ERI1: variants seen among roughly 807,000 people sequenced by gnomAD.
ERI1 encodes 3'-5' exoribonuclease 1.
A neutral mutation model predicts 39.7 loss-of-function variants in ERI1; 39 were observed. The ratio of observed to expected loss-of-function variants is 0.98; its 90% CI spans 0.76 to 1.28. The LOEUF is 1.28. Ranked by LOEUF, ERI1 falls within the 50% of genes most tolerant of loss-of-function variation. The probability of loss-of-function intolerance (pLI) is 0.00; values close to 1 mark genes in which losing one functional copy is unlikely to be tolerated. For missense variants in ERI1, 581 were observed against 416.9 expected, an observed-to-expected ratio of 1.39 and a Z score of -3.43; for synonymous variants, 204 against 149.6, an observed-to-expected ratio of 1.36 and a Z score of -2.65.
chr8:9,091,912 G>A (rs1472544214), intron 3 of ERI1, among the ~76,000 whole-genome samples: 7 of 152,232 alleles, frequency 4.6e-5, no homozygotes, highest in African/African-American at 1.7e-4. Context: ...ATTTGTGGAT[G>A]TTGGAAAGAG....
intron 2 of ERI1, among the ~76,000 whole-genome samples, chr8:9,010,582 TAGTC>T (rs757261638): frequency 2.0e-5 from 3 of 152,030 alleles, no homozygotes; most frequent in Admixed American, 6.5e-5. Context: ...TTTTTTTAAA[TAGTC>T]ATTAATCAGT....
At chr8:9,003,912 C>T (rs915313438) in intron 1 of ERI1, among the ~76,000 whole-genome samples, 7 of 152,196 alleles carry the variant, frequency 4.6e-5, no homozygotes, top group Admixed American at 1.3e-4. Context: ...TTGCTCCTTC[C>T]GTCCACAGTC....
At chr8:9,076,800 G>A (rs980042592) in intron 3 of ERI1, among the ~76,000 whole-genome samples, 10 of 152,226 alleles carry the variant, frequency 6.6e-5, no homozygotes, top group East Asian at 5.8e-4. Context: ...AGGGGGAAGC[G>A]GGGATGTGTG....
intron 3 of ERI1, among the ~76,000 whole-genome samples, chr8:9,015,739 A>AAAAAAAAAAG (rs10704637): frequency 3.0e-4 from 45 of 150,360 alleles, no homozygotes; most frequent in African/African-American, 1.1e-3. Flanking sequence ...AAAAAAAAAA[A>AAAAAAAAAAG]AAGAGACCAT....
At chr8:9,009,625 C>T (rs1022589902) in intron 2 of ERI1, among the ~76,000 whole-genome samples, 5 of 150,982 alleles carry the variant, frequency 3.3e-5, no homozygotes, top group Non-Finnish European at 7.4e-5. Context: ...CTGCAACCTC[C>T]GACTCCTGGA....
intron 3 of ERI1, among the ~76,000 whole-genome samples, chr8:9,066,809 C>G (rs916608765): frequency 6.6e-6 from 1 of 152,048 alleles, no homozygotes; most frequent in Non-Finnish European, 1.5e-5. Flanking sequence ...GCTGGTTTGT[C>G]TCTGTGGTGG....
In ERI1 at chr8:9,031,878, C is replaced by T. The variant is rs527739093; in HGVS notation, c.*1844C>T. On this transcript the variant is annotated 3_prime_UTR_variant, in exon 7 of 7. Transcript: ENST00000250263. ...GCTCAGGTGATCCTCTTGCCTCAGC[C>T]TCCTGAGTAGCTCAGATTACAGGCG... The T allele has an allele frequency of 2.0e-5, 3 of 152,414 alleles. No individual in the cohort carries two copies. Among genetic ancestry groups the T allele is most frequent in the African/African-American group, 7.2e-5 (3 of 41,570 alleles). 9.4% of individuals were successfully genotyped at this position (152,414 alleles called of 1,614,324 possible).
chr8:9,046,329 G>T (rs1056560253), intron 3 of ERI1, among the ~76,000 whole-genome samples: 1 of 152,234 alleles, frequency 6.6e-6, no homozygotes, highest in Admixed American at 6.5e-5. Context: ...GTAAAAGCCA[G>T]TCAGCAGAGA....
intron 3 of ERI1, among the ~76,000 whole-genome samples, chr8:9,044,528 G>A (rs1798119388): frequency 1.3e-5 from 2 of 152,108 alleles, no homozygotes; most frequent in Admixed American, 1.3e-4. Context: ...AGATGATGGA[G>A]AAATAATTAC....
chr8:9,003,243 C>T (rs376343054), intron 1 of ERI1, 72 bp downstream of exon 1: 19 of 923,752 alleles, frequency 2.1e-5, no homozygotes, highest in Non-Finnish European at 2.4e-5. Flanking sequence ...GCACCCCTTT[C>T]TTCTCAGGTG....
At chr8:9,007,687 C>T (rs1170858574) in intron 1 of ERI1, among the ~76,000 whole-genome samples, 1 of 152,136 alleles carries the variant, frequency 6.6e-6, no homozygotes, top group East Asian at 1.9e-4. Flanking sequence ...CTGGGGTTCT[C>T]TATTGAGGTG....
At chr8:9,062,981 T>G (rs1404188321) in intron 3 of ERI1, among the ~76,000 whole-genome samples, 2 of 152,138 alleles carry the variant, frequency 1.3e-5, no homozygotes, top group African/African-American at 2.4e-5. Context: ...GCTGGAGATG[T>G]GGCTGGGGTT....
chr8:9,018,416 T>G lies in ERI1; in HGVS notation c.692+10T>G. On this transcript the variant is annotated intron_variant, in intron 5 of 6. Transcript: ENST00000250263. ...CACTTTTAACAGATGGGTAAGTATT[T>G]AGGAAGATTATTTTTTTATATCTAC... The G allele has an allele frequency of 7.0e-7, 1 of 1,420,282 alleles. No individual in the cohort carries two copies. The highest frequency in any genetic ancestry group is 2.3e-5 in the East Asian group (1 of 43,896). 88.0% of individuals were successfully genotyped at this position (1,420,282 alleles called of 1,614,324 possible). A position where few individuals can be genotyped will look rare whatever the true frequency, so the allele number is the denominator to read the frequency against.
chr8:9,046,905 A>G (rs1356070773), intron 3 of ERI1, among the ~76,000 whole-genome samples: 2 of 152,194 alleles, frequency 1.3e-5, no homozygotes, highest in Non-Finnish European at 2.9e-5. Context: ...AATTTCACAC[A>G]CGCTGATTGC....
At chr8:9,075,008 G>T (rs984394041) in intron 3 of ERI1, among the ~76,000 whole-genome samples, 1 of 152,110 alleles carries the variant, frequency 6.6e-6, no homozygotes, top group African/African-American at 2.4e-5. Flanking sequence ...CTCTGGTCCC[G>T]TGGAAGCCCA....
intron 3 of ERI1, among the ~76,000 whole-genome samples, chr8:9,065,751 GA>G (rs1416291688): frequency 1.3e-5 from 2 of 148,422 alleles, no homozygotes. Flanking sequence ...AATATAAAAG[GA>G]AACTAAAAAA....
chr8:9,008,183 G>C, intron 2 of ERI1, 35 bp downstream of exon 2: 1 of 1,444,254 alleles, frequency 6.9e-7, no homozygotes, highest in South Asian at 1.4e-5. Context: ...TATAAAAGTA[G>C]TACATGCTCA....
At chr8:9,039,363 C>G (rs1040025567) in intron 3 of ERI1, among the ~76,000 whole-genome samples, 2 of 151,758 alleles carry the variant, frequency 1.3e-5, no homozygotes, top group African/African-American at 2.4e-5. Context: ...TGAAATCAAG[C>G]AAAATATCCA....
At chr8:9,009,057 T>A (rs777642352) in intron 2 of ERI1, 1 of 456,184 alleles carries the variant, frequency 2.2e-6, no homozygotes, top group Non-Finnish European at 4.4e-6. Context: ...TACAGAAGAT[T>A]TTCCGAGCAA....
Sources: gnomAD v4.1 joint callset for allele counts (sites outside exome capture counted in the v4.1 genomes callset) on GRCh38, gnomAD v4.1.1 for gene constraint, MANE v1.5 for transcripts, NCBI Gene and HGNC (gene_info 2026-07-23, HGNC 2026-07-21) for gene names.